MGAT4C: variants seen among roughly 807,000 people sequenced by gnomAD.
MGAT4C encodes alpha-1,3-mannosyl-glycoprotein 4-beta-N-acetylglucosaminyltransferase C.
In MGAT4C, 19 loss-of-function variants were observed where a neutral mutation model predicts 40.1. The observed-to-expected ratio is 0.47, with a 90% CI of 0.33 to 0.70. The LOEUF is 0.70. Ranked by LOEUF, MGAT4C falls within the 30% of genes least tolerant of loss-of-function variation. The pLI, the probability that MGAT4C is intolerant of heterozygous loss-of-function variation, is 0.02. For missense variants in MGAT4C, 491 were observed against 563.2 expected (o/e 0.87, Z 1.30); for synonymous variants, 181 against 187.1 (o/e 0.97, Z 0.27).
chr12:86,412,280 C>A lies in MGAT4C; in HGVS notation c.-120+22877G>T, dbSNP rs113076021. Among the ~76,000 whole-genome samples the A allele has an allele frequency of 5.8e-3, 881 of 152,300 alleles. 7 individuals are homozygous for A. The highest frequency in any genetic ancestry group is 0.02 in the African/African-American group (845 of 41,572). On this transcript the variant is annotated intron_variant, in intron 3 of 7. Coordinates refer to the MGAT4C transcript ENST00000548651. ...GACACCAGAATGGTATTTCCACCAGCAGCTTGCACCATGCACCTGGAAAAG... is the reference window on the plus strand; with the variant it reads ...GACACCAGAATGGTATTTCCACCAGAAGCTTGCACCATGCACCTGGAAAAG...
At chr12:86,282,553 C>G (rs922914446) in intron 4 of MGAT4C, among the ~76,000 whole-genome samples, 3 of 151,732 alleles carry the variant, frequency 2.0e-5, no homozygotes, top group African/African-American at 7.3e-5. Context: ...CCTGGTATAC[C>G]AGTCATAGGT....
rs146456710 is a variant in MGAT4C, at chr12:86,427,746, C to T, written c.-120+7411G>A. The stretch of plus-strand genomic sequence containing the variant: ...TATTTAAAAGCTAATATAGGCTGGA[C>T]GCGGTGGCTCATGCCTGTTATCCCA... On this transcript the variant is annotated intron_variant, in intron 3 of 7. Transcript: ENST00000548651. Among the ~76,000 whole-genome samples the T allele has an allele frequency of 2.3e-3, 349 of 152,220 alleles. 3 individuals are homozygous for T. The highest frequency in any genetic ancestry group is 7.9e-3 in the African/African-American group (329 of 41,538).
intron 1 of MGAT4C, among the ~76,000 whole-genome samples, chr12:86,762,636 T>C (rs979465194): frequency 2.0e-5 from 3 of 152,176 alleles, no homozygotes; most frequent in Non-Finnish European, 2.9e-5. Context: ...AAGTAAGCAA[T>C]GAAAAACCCA....
chr12:86,494,802 TTCA>T (rs1307899326), intron 2 of MGAT4C, among the ~76,000 whole-genome samples: 3 of 151,928 alleles, frequency 2.0e-5, no homozygotes, highest in East Asian at 3.8e-4. Context: ...AGGCAACTAG[TTCA>T]TCAAAGAAAA....
chr12:86,711,650 A>T, intron 2 of MGAT4C, among the ~76,000 whole-genome samples: 1 of 152,148 alleles, frequency 6.6e-6, no homozygotes, highest in East Asian at 1.9e-4. Flanking sequence ...TGGAAGAAAA[A>T]AATATGAAAA....
intron 1 of MGAT4C, among the ~76,000 whole-genome samples, chr12:86,102,822 T>C (rs1875352169): frequency 6.6e-6 from 1 of 152,146 alleles, no homozygotes; most frequent in African/African-American, 2.4e-5. Context: ...CATTTTAACA[T>C]TTACCAGTTT....
At chr12:86,137,635 ACT>A (rs1339668722) in intron 1 of MGAT4C, among the ~76,000 whole-genome samples, 6 of 151,870 alleles carry the variant, frequency 4.0e-5, no homozygotes, top group Admixed American at 3.9e-4. Context: ...ATGTCTAGGA[ACT>A]CTCTTTGGAT....
chr12:86,071,467 T>A (rs1014844853), intron 1 of MGAT4C, among the ~76,000 whole-genome samples: 5 of 152,072 alleles, frequency 3.3e-5, no homozygotes, highest in Admixed American at 2.6e-4. Flanking sequence ...ATTTGATAAC[T>A]TTACATCTGG....
chr12:86,744,378 CG>C (rs1185576250), intron 1 of MGAT4C, among the ~76,000 whole-genome samples: 1 of 151,394 alleles, frequency 6.6e-6, no homozygotes, highest in Non-Finnish European at 1.5e-5. Context: ...GAAGAATAAA[CG>C]GGAAACCTAG....
intron 2 of MGAT4C, among the ~76,000 whole-genome samples, chr12:86,531,036 C>T (rs975823876): frequency 6.6e-6 from 1 of 151,938 alleles, no homozygotes; most frequent in African/African-American, 2.4e-5. Flanking sequence ...CTATTATTCT[C>T]AAAAAGAAAG....
At chr12:86,570,262 T>C (rs1960308214) in intron 2 of MGAT4C, among the ~76,000 whole-genome samples, 1 of 151,936 alleles carries the variant, frequency 6.6e-6, no homozygotes, top group Non-Finnish European at 1.5e-5. Context: ...CATTTGACAA[T>C]GTATACATAT....
Position 86,376,124 on chromosome 12 carries a change from G to A in MGAT4C, c.-119-41997C>T, listed in dbSNP as rs867774585. Among the ~76,000 whole-genome samples the A allele has an allele frequency of 1.1e-3, 166 of 151,264 alleles. 1 individual carries two copies. Among genetic ancestry groups the A allele is most frequent in the African/African-American group, 3.9e-3 (162 of 41,274 alleles). ...AAAATGAGGCTGTAGGGTGGCTCAT[G>A]CCTATAATCCCAGCAGTCTGGGAGG... On this transcript the variant is annotated intron_variant, in intron 3 of 7. Transcript: ENST00000548651.
intron 2 of MGAT4C, among the ~76,000 whole-genome samples, chr12:86,447,197 C>T (rs1233126270): frequency 1.3e-5 from 2 of 152,108 alleles, no homozygotes; most frequent in African/African-American, 4.8e-5. Context: ...GCAATCTCGG[C>T]TCACCGCAAC....
At chr12:86,297,907 A>C in intron 4 of MGAT4C, among the ~76,000 whole-genome samples, 1 of 152,322 alleles carries the variant, frequency 6.6e-6, no homozygotes, top group East Asian at 1.9e-4. Context: ...TGACATCAAA[A>C]ATCAGTGCAG....
chr12:86,609,326 T>C (rs946687830), intron 2 of MGAT4C, among the ~76,000 whole-genome samples: 2 of 152,092 alleles, frequency 1.3e-5, no homozygotes, highest in Admixed American at 1.3e-4. Flanking sequence ...GTCAATGAAG[T>C]TGACTTTCAA....
At chr12:86,356,350 G>A (rs569376077) in intron 3 of MGAT4C, among the ~76,000 whole-genome samples, 9 of 152,092 alleles carry the variant, frequency 5.9e-5, no homozygotes, top group Non-Finnish European at 1.2e-4. Context: ...CACTAATTTG[G>A]ATCAGGTTCC....
intron 1 of MGAT4C, among the ~76,000 whole-genome samples, chr12:86,820,548 T>G (rs1952687543): frequency 6.6e-6 from 1 of 150,834 alleles, no homozygotes; most frequent in Middle Eastern, 3.2e-3. Flanking sequence ...AGAAGAAGAA[T>G]CACAGTATAT....
At chr12:86,043,658 C>G (rs568945785) in intron 2 of MGAT4C, among the ~76,000 whole-genome samples, 1 of 152,328 alleles carries the variant, frequency 6.6e-6, no homozygotes, top group African/African-American at 2.4e-5. Flanking sequence ...TACTTTACAT[C>G]CTTCAATCAA....
chr12:86,740,401 A>T (rs900669333), intron 1 of MGAT4C, among the ~76,000 whole-genome samples: 9 of 151,238 alleles, frequency 6.0e-5, no homozygotes, highest in African/African-American at 2.2e-4. Context: ...AGAAGTTTGT[A>T]GAAGTGTGTT....
Sources: allele counts gnomAD v4.1 joint callset (sites outside exome capture counted in the v4.1 genomes callset), GRCh38; gene constraint gnomAD v4.1.1; transcripts MANE v1.5; gene names NCBI Gene and HGNC (gene_info 2026-07-23, HGNC 2026-07-21).